The following DYSF variants were observed in gnomAD, a reference collection of about 807,000 sequenced individuals.
DYSF encodes the protein dysferlin, also known as dystrophy-associated fer-1-like 1.
DYSF carries 212 observed loss-of-function variants against 274.9 expected under a neutral mutation model. The ratio of observed to expected loss-of-function variants is 0.77; its 90% CI spans 0.69 to 0.86. The LOEUF is 0.86. Ranked by LOEUF, DYSF falls within the 40% of genes least tolerant of loss-of-function variation. The pLI is 0.00. For synonymous variants in DYSF, 1,091 were observed against 1,078.7 expected (o/e 1.01, Z -0.22); for missense variants, 2,666 against 2,783.2 (o/e 0.96, Z 0.95).
At chr2:71,526,176 TGCTC>T (rs1222665691) in intron 12 of DYSF, 40 bp from the exon 13 acceptor site, 2 of 1,614,136 alleles carry the variant, frequency 1.2e-6, no homozygotes, top group Non-Finnish European at 1.7e-6. Context: ...TAAAACCCTG[TGCTC>T]AGGAGCGCAT....
intron 12 of DYSF, among the ~76,000 whole-genome samples, chr2:71,523,075 T>A (rs1198168841): frequency 6.6e-6 from 1 of 152,194 alleles, no homozygotes; most frequent in East Asian, 1.9e-4. Flanking sequence ...TATTTCTCTC[T>A]CATGAATGCC....
Position 71,503,974 on chromosome 2 carries a change from A to G in DYSF, c.345+655A>G, listed in dbSNP as rs185098704. Among the ~76,000 whole-genome samples the G allele has an allele frequency of 5.0e-3, 756 of 152,242 alleles. 3 individuals carry two copies. The highest frequency in any genetic ancestry group is 8.2e-3 in the Admixed American group (126 of 15,298). Reference sequence around the variant, plus strand: ...CCCCGCCTTCCAGGATGTACCAGGAACCATGGATTGGAACTACTTCCGCCC... The same window carrying G: ...CCCCGCCTTCCAGGATGTACCAGGAGCCATGGATTGGAACTACTTCCGCCC... On this transcript the variant is annotated intron_variant, in intron 4 of 55. Coordinates refer to ENST00000410020, the MANE Select transcript of DYSF (RefSeq NM_001130987.2).
At chr2:71,606,950 C>T (rs2093658944) in intron 36 of DYSF, among the ~76,000 whole-genome samples, 1 of 152,100 alleles carries the variant, frequency 6.6e-6, no homozygotes, top group South Asian at 2.1e-4. Flanking sequence ...CTGTCTTCAC[C>T]CTCCCTCTTC....
intron 30 of DYSF, 129 bp from the exon 31 acceptor site, chr2:71,589,464 G>A: frequency 1.3e-6 from 1 of 756,194 alleles, no homozygotes; most frequent in Admixed American, 1.9e-5. Context: ...AATGAAATTA[G>A]AGGCTGAGAG....
chr2:71,549,297 C>T, intron 17 of DYSF: 1 of 1,573,724 alleles, frequency 6.4e-7, no homozygotes, highest in Non-Finnish European at 8.7e-7. Context: ...TGTAACCCGT[C>T]CTTCTCCCAG....
intron 17 of DYSF, among the ~76,000 whole-genome samples, chr2:71,543,275 A>G (rs1423506188): frequency 7.3e-6 from 1 of 136,134 alleles, no homozygotes; most frequent in Non-Finnish European, 1.6e-5. Flanking sequence ...GCGGCAGGGC[A>G]GAGGCACTCC....
At position 71,674,090 on chromosome 2, in the gene DYSF, C is replaced by T. The variant is rs2095176802; in HGVS notation, c.5785-107C>T. On this transcript the variant is annotated intron_variant, in intron 51 of 55. Transcript: ENST00000410020. Reference sequence around the variant, plus strand: ...CTGGCTCTGGCAGGTCCCTTGGGGACATCCTACTCCTCTGCCTCCTCCAGG... The same window carrying T: ...CTGGCTCTGGCAGGTCCCTTGGGGATATCCTACTCCTCTGCCTCCTCCAGG... 10 of 949,734 alleles carry T rather than the reference C, an allele frequency of 1.1e-5. No homozygotes were observed. The Admixed American group carries it at 1.6e-4, about 15-fold the overall frequency. The allele number at this position is 949,734 out of a possible 1,614,324, so 58.8% of individuals were successfully genotyped here.
chr2:71,651,449 A>T (rs1362222352), intron 42 of DYSF, among the ~76,000 whole-genome samples: 9 of 152,134 alleles, frequency 5.9e-5, no homozygotes, highest in Admixed American at 5.9e-4. Context: ...AAATGAGATA[A>T]TGTGAAGGAA....
chr2:71,479,959 A>C (rs540651482), intron 1 of DYSF, among the ~76,000 whole-genome samples: 1 of 152,196 alleles, frequency 6.6e-6, no homozygotes, highest in Non-Finnish European at 1.5e-5. Flanking sequence ...CACATATATA[A>C]TTTAATTGGT....
At chr2:71,674,587 C>T (rs1348091611) in intron 52 of DYSF, among the ~76,000 whole-genome samples, 1 of 152,222 alleles carries the variant, frequency 6.6e-6, no homozygotes, top group African/African-American at 2.4e-5. Flanking sequence ...GCGAGGGACG[C>T]AAGTGTGTGC....
At position 71,663,234 on chromosome 2, in the gene DYSF, G is replaced by A. The variant is rs1364120423; in HGVS notation, c.5004-1034G>A. On this transcript the variant is annotated intron_variant, in intron 45 of 55. Coordinates refer to ENST00000410020, the MANE Select transcript of DYSF (RefSeq NM_001130987.2). ...CTCTGGACCACGGATGTTGAAAGCCGACTTATTTTCCTGTGGGTGCTTTCC... is the reference window on the plus strand; with the variant it reads ...CTCTGGACCACGGATGTTGAAAGCCAACTTATTTTCCTGTGGGTGCTTTCC... Among the ~76,000 whole-genome samples, 4 of 152,190 alleles carry A rather than the reference G, an allele frequency of 2.6e-5. No homozygotes were observed. The East Asian group carries it at 7.7e-4, about 29-fold the overall frequency.
Position 71,466,880 on chromosome 2 carries a change from C to T in DYSF, c.38C>T (p.Pro13Leu), listed in dbSNP as rs927174434. Reference protein sequence around the residue: ...CCLLVRASNLPSAKKDRRSDP... With the variant: ...CCLLVRASNLLSAKKDRRSDP... ...CTGCTGGTGAGGGCCAGCAACCTCCCCAGTGCGAAGAAGGACCGGCGCAGC... is the reference window on the plus strand; with the variant it reads ...CTGCTGGTGAGGGCCAGCAACCTCCTCAGTGCGAAGAAGGACCGGCGCAGC... The change falls in exon 1 of 56, where the codon CCC becomes CTC. Residue 13 changes from proline (P) to leucine (L), a missense_variant. This residue lies in a region of DYSF where 794 missense variants were observed against 777.1 expected (regional missense o/e 1.02). Coordinates refer to ENST00000410020, the MANE Select transcript of DYSF (RefSeq NM_001130987.2). 4 of 1,549,764 alleles carry T rather than the reference C, an allele frequency of 2.6e-6. No individual in the cohort carries two copies. The highest frequency in any genetic ancestry group is 3.5e-6 in the Non-Finnish European group (4 of 1,145,690).
At position 71,590,266 on chromosome 2, in the gene DYSF, G is replaced by A. The variant is rs201319864; in HGVS notation, c.3552G>A (p.Ala1184=). The A allele has an allele frequency of 1.0e-4, 166 of 1,614,140 alleles. No individual in the cohort carries two copies. In the South Asian group the frequency reaches 1.6e-3, roughly 16 times the overall value. Residue 1184 remains alanine, a synonymous_variant, in exon 32 of 56, where the codon GCG becomes GCA. Transcript: ENST00000410020. ...TGTACCAGGCCCGGGACCTGGCTGC[G>A]ATGGACAAGGACTCTTTTTCTGGTA... The part of the protein sequence containing the change: ...CYMYQARDLA[A]MDKDSFSDPY...
intron 30 of DYSF, among the ~76,000 whole-genome samples, chr2:71,584,632 C>T (rs1237351944): frequency 6.6e-6 from 1 of 152,204 alleles, no homozygotes; most frequent in Non-Finnish European, 1.5e-5. Context: ...TGATTGACTG[C>T]ATGTGATAAA....
chr2:71,598,837 T>C lies in DYSF; in HGVS notation c.3756+92T>C, dbSNP rs1282498863. On this transcript the variant is annotated intron_variant, in intron 33 of 55. Transcript: ENST00000410020. ...AGGGACTCGTGGCTGCCCAGCCAGA[T>C]GGGTGCTCTCCTAACTCCACGGGCC... The C allele has an allele frequency of 2.0e-6, 3 of 1,467,714 alleles. No individual in the cohort carries two copies. In the African/African-American group the frequency reaches 4.1e-5, roughly 20 times the overall value. 90.9% of individuals were successfully genotyped at this position (1,467,714 alleles called of 1,614,324 possible). A position where few individuals can be genotyped will look rare whatever the true frequency, so the allele number is the denominator to read the frequency against.
chr2:71,541,136 G>T (rs899328734), intron 17 of DYSF, among the ~76,000 whole-genome samples: 2 of 152,122 alleles, frequency 1.3e-5, no homozygotes, highest in Non-Finnish European at 2.9e-5. Flanking sequence ...GGTTATGCTG[G>T]CTTTGTAAAA....
chr2:71,660,244 T>C (rs2094853519), intron 44 of DYSF, among the ~76,000 whole-genome samples: 1 of 152,232 alleles, frequency 6.6e-6, no homozygotes, highest in African/African-American at 2.4e-5. Context: ...GACCCCAGCC[T>C]GGTCTCGTCA....
chr2:71,579,565 TAA>T (rs1424203991), intron 30 of DYSF, among the ~76,000 whole-genome samples: 1 of 152,122 alleles, frequency 6.6e-6, no homozygotes, highest in African/African-American at 2.4e-5. Flanking sequence ...TAAGAATTAT[TAA>T]TATTCACTTT....
intron 40 of DYSF, among the ~76,000 whole-genome samples, chr2:71,618,093 T>TATAA (rs2093956039): frequency 1.8e-5 from 2 of 112,866 alleles, no homozygotes; most frequent in Non-Finnish European, 3.6e-5. Context: ...AGAGATGGGG[T>TATAA]GTGTGTGTGG....
Sources: gnomAD v4.1 joint callset for allele counts (sites outside exome capture counted in the v4.1 genomes callset) on GRCh38, gnomAD v4.1.1 for gene constraint, gnomAD v4.1.1 regional missense constraint, MANE v1.5 for transcripts, NCBI Gene and HGNC (gene_info 2026-07-23, HGNC 2026-07-21) for gene names.